The following CDKAL1 variants were observed in gnomAD, a reference collection of about 807,000 sequenced individuals.
CDKAL1 encodes the protein threonylcarbamoyladenosine tRNA methylthiotransferase.
A neutral mutation model predicts 68.2 loss-of-function variants in CDKAL1; 32 were observed. That is an observed-to-expected ratio of 0.47 (90% CI 0.35 to 0.63). The LOEUF is 0.63. CDKAL1 is among the 30% of genes least tolerant of loss of function. CDKAL1 has a pLI of 0.00. For missense variants in CDKAL1, 606 were observed against 696.7 expected (o/e 0.87, Z 1.47); for synonymous variants, 234 against 244.3 (o/e 0.96, Z 0.39).
intron 5 of CDKAL1, among the ~76,000 whole-genome samples, chr6:20,675,928 G>C (rs974598297): frequency 6.6e-6 from 1 of 152,288 alleles, no homozygotes; most frequent in East Asian, 1.9e-4. Flanking sequence ...GGAGCAAGAT[G>C]TGGAGGTGGA....
At chr6:20,849,442 GCGTGGTGGCGGGTGCCTATAGTCT>G (rs1435698420) in intron 9 of CDKAL1, among the ~76,000 whole-genome samples, 1 of 151,962 alleles carries the variant, frequency 6.6e-6, no homozygotes, top group African/African-American at 2.4e-5. Context: ...AATTAGCCGG[GCGTGGTGGCGGGTGCCTATAGTCT>G]CAGCTACTTG....
intron 8 of CDKAL1, among the ~76,000 whole-genome samples, chr6:20,807,153 A>G (rs1018588200): frequency 1.3e-5 from 2 of 152,144 alleles, no homozygotes; most frequent in Non-Finnish European, 2.9e-5. Context: ...CACACACAGC[A>G]GTTTGGTGGT....
intron 4 of CDKAL1, among the ~76,000 whole-genome samples, chr6:20,584,416 T>G (rs1294265211): frequency 6.6e-6 from 1 of 152,124 alleles, no homozygotes; most frequent in African/African-American, 2.4e-5. Context: ...AGTCACCATT[T>G]TGGGATATTA....
In CDKAL1 at chr6:20,951,690, C is replaced by T. The variant is rs188012910; in HGVS notation, c.743-3729C>T. Reference sequence around the variant, plus strand: ...ATTAATGCATCAAAAGGATGGTGGACGATCTGATGAACATAATGTTCATTT... The same window carrying T: ...ATTAATGCATCAAAAGGATGGTGGATGATCTGATGAACATAATGTTCATTT... On this transcript the variant is annotated intron_variant, in intron 9 of 15. Transcript: ENST00000274695. Among the ~76,000 whole-genome samples, 846 of 152,128 alleles carry T rather than the reference C, an allele frequency of 5.6e-3. 5 individuals are homozygous for T. The highest frequency in any genetic ancestry group is 0.019 in the African/African-American group (782 of 41,502).
At chr6:21,055,150 G>A (rs546995321) in intron 11 of CDKAL1, among the ~76,000 whole-genome samples, 80 of 151,934 alleles carry the variant, frequency 5.3e-4, no homozygotes, top group Non-Finnish European at 1.1e-3. Context: ...CTTTTTATAT[G>A]GTACATTACA....
chr6:20,746,087 C>T (rs900413094), intron 6 of CDKAL1, among the ~76,000 whole-genome samples: 4 of 152,128 alleles, frequency 2.6e-5, no homozygotes, highest in African/African-American at 4.8e-5. Flanking sequence ...TACCCCTCCC[C>T]GCTACAGAAA....
At chr6:20,976,256 T>C (rs1205968662) in intron 10 of CDKAL1, among the ~76,000 whole-genome samples, 1 of 152,214 alleles carries the variant, frequency 6.6e-6, no homozygotes, top group Non-Finnish European at 1.5e-5. Context: ...AACTTATCAC[T>C]ATAGTAGAAT....
At chr6:20,749,585 T>C (rs1257366686) in intron 6 of CDKAL1, among the ~76,000 whole-genome samples, 1 of 151,564 alleles carries the variant, frequency 6.6e-6, no homozygotes, top group Non-Finnish European at 1.5e-5. Flanking sequence ...TCTCACTCCA[T>C]CCCCCAGGCT....
chr6:20,967,754 T>C (rs9460584), intron 10 of CDKAL1, among the ~76,000 whole-genome samples: 73,156 of 152,076 alleles, frequency 0.48, 18,870 homozygotes, highest in East Asian at 0.65. Flanking sequence ...CATTTCAGCC[T>C]GAAGGGTTCC....
At chr6:20,938,118 G>A (rs1407359299) in intron 9 of CDKAL1, among the ~76,000 whole-genome samples, 2 of 151,864 alleles carry the variant, frequency 1.3e-5, no homozygotes, top group Admixed American at 1.3e-4. Flanking sequence ...TTGGACTCAT[G>A]GATATTTATT....
chr6:20,970,788 T>C (rs1317653549), intron 10 of CDKAL1, among the ~76,000 whole-genome samples: 5 of 152,202 alleles, frequency 3.3e-5, no homozygotes, highest in African/African-American at 9.6e-5. Context: ...CAAGAAATAA[T>C]ATGGCATAGA....
At chr6:20,842,694 A>G (rs1778223769) in intron 8 of CDKAL1, among the ~76,000 whole-genome samples, 1 of 152,076 alleles carries the variant, frequency 6.6e-6, no homozygotes, top group Admixed American at 6.5e-5. Flanking sequence ...AGCCAGGCGT[A>G]GTGGCAGGTA....
chr6:20,968,564 G>A (rs1383824436), intron 10 of CDKAL1, among the ~76,000 whole-genome samples: 3 of 151,850 alleles, frequency 2.0e-5, no homozygotes, highest in Non-Finnish European at 4.4e-5. Flanking sequence ...GTGTTTGTTG[G>A]TGTGCTTGAT....
intron 8 of CDKAL1, among the ~76,000 whole-genome samples, chr6:20,818,954 T>G (rs1777162620): frequency 1.3e-5 from 2 of 152,040 alleles, no homozygotes; most frequent in Non-Finnish European, 2.9e-5. Context: ...TATAGGAGTG[T>G]ATTTCTTTAG....
At chr6:20,883,694 T>A (rs1353039430) in intron 9 of CDKAL1, among the ~76,000 whole-genome samples, 1 of 152,232 alleles carries the variant, frequency 6.6e-6, no homozygotes, top group Non-Finnish European at 1.5e-5. Context: ...AGTTGTATGG[T>A]AAAGCAAATA....
At chr6:20,566,090 G>A (rs1248938749) in intron 4 of CDKAL1, among the ~76,000 whole-genome samples, 2 of 151,892 alleles carry the variant, frequency 1.3e-5, no homozygotes, top group Admixed American at 1.3e-4. Context: ...ACATACCCTG[G>A]CTGTCCATAA....
At chr6:20,610,012 T>C (rs567212401) in intron 4 of CDKAL1, among the ~76,000 whole-genome samples, 149 of 152,298 alleles carry the variant, frequency 9.8e-4, no homozygotes, top group Admixed American at 2.5e-3. Context: ...CTCCCACTTA[T>C]AAGAGAACAT....
At chr6:20,955,082 G>A (rs1023793944) in intron 9 of CDKAL1, among the ~76,000 whole-genome samples, 1 of 152,180 alleles carries the variant, frequency 6.6e-6, no homozygotes, top group African/African-American at 2.4e-5. Flanking sequence ...AGGGCTTAGA[G>A]TGTTCAATAA....
intron 11 of CDKAL1, among the ~76,000 whole-genome samples, chr6:21,001,296 T>TA (rs1582001509): frequency 6.6e-6 from 1 of 152,374 alleles, no homozygotes; most frequent in East Asian, 1.9e-4. Flanking sequence ...ACTGCATGGA[T>TA]ACGATTGCTT....
Sources: gnomAD v4.1 joint callset for allele counts (sites outside exome capture counted in the v4.1 genomes callset) on GRCh38, gnomAD v4.1.1 for gene constraint, MANE v1.5 for transcripts, NCBI Gene and HGNC (gene_info 2026-07-23, HGNC 2026-07-21) for gene names.